Variants in TRAM2 observed in about 807,000 individuals in gnomAD.
TRAM2 encodes translocation associated membrane protein 2.
TRAM2 carries 12 observed loss-of-function variants against 51.0 expected under a neutral mutation model. The observed-to-expected ratio is 0.24, with a 90% confidence interval of 0.15 to 0.38. The LOEUF is 0.38. TRAM2 is among the 10% of genes least tolerant of loss of function. The pLI, the probability that TRAM2 is intolerant of heterozygous loss-of-function variation, is 1.00. For synonymous variants in TRAM2, 175 were observed against 179.4 expected (o/e 0.98, Z 0.20); for missense variants, 361 against 462.0 (o/e 0.78, Z 2.00).
At chr6:52,568,951 A>T (rs1245845190) in intron 1 of TRAM2, among the ~76,000 whole-genome samples, 1 of 152,180 alleles carries the variant, frequency 6.6e-6, no homozygotes, top group African/African-American at 2.4e-5. Context: ...CAGAGGTACA[A>T]TCATCAGCTC....
rs1222490579 is a variant in TRAM2 at position 52,498,785 on chromosome 6, T to C, written c.*4412A>G. The C allele has an allele frequency of 6.6e-6, 1 of 152,628 alleles. No homozygotes were observed. The highest frequency in any genetic ancestry group is 2.4e-5 in the African/African-American group (1 of 41,436). The allele number at this position is 152,628 out of a possible 1,614,324, so 9.5% of individuals were successfully genotyped here. ...AATCCGTGTCCCTTTTATATATAACTATACTGAGGTATGGTGTCCTTGGCT... is the reference window on the plus strand; with the variant it reads ...AATCCGTGTCCCTTTTATATATAACCATACTGAGGTATGGTGTCCTTGGCT... On this transcript the variant is annotated 3_prime_UTR_variant, in exon 11 of 11. Transcript: ENST00000182527.
chr6:52,508,227 C>T lies in TRAM2; in HGVS notation c.555+7G>A, dbSNP rs757570402. 21 of 1,613,376 alleles carry T rather than the reference C, an allele frequency of 1.3e-5. No homozygotes were observed. The Admixed American group carries it at 3.5e-4, about 27-fold the overall frequency. On this transcript the variant is annotated splice_region_variant and intron_variant, in intron 6 of 10. Coordinates refer to ENST00000182527, the MANE Select transcript of TRAM2 (RefSeq NM_012288.4). ...GCCTCCAAGAAGGGAGAGAAGTGAG[C>T]ACTCACCTTCCGTACCTTCTGGAAG...
At chr6:52,574,035 C>A (rs572698821) in intron 1 of TRAM2, among the ~76,000 whole-genome samples, 33 of 152,272 alleles carry the variant, frequency 2.2e-4, no homozygotes, top group African/African-American at 7.7e-4. Flanking sequence ...TGTCCTCTCA[C>A]CCCTTTCTCC....
intron 4 of TRAM2, among the ~76,000 whole-genome samples, chr6:52,512,508 G>A (rs1766469144): frequency 6.6e-6 from 1 of 152,184 alleles, no homozygotes; most frequent in Non-Finnish European, 1.5e-5. Context: ...GGCACCCTCT[G>A]AGCTCAGGCA....
chr6:52,517,595 T>C (rs976632548), intron 2 of TRAM2, among the ~76,000 whole-genome samples: 2 of 152,258 alleles, frequency 1.3e-5, no homozygotes, highest in African/African-American at 4.8e-5. Context: ...ATCTGCATCC[T>C]TGCTCCAGTC....
chr6:52,504,996 C>T (rs1359986904), intron 9 of TRAM2, among the ~76,000 whole-genome samples: 4 of 152,238 alleles, frequency 2.6e-5, no homozygotes, highest in African/African-American at 7.2e-5. Context: ...GACAGACGTA[C>T]GGCCAGCTCT....
chr6:52,523,417 G>C, intron 2 of TRAM2: 1 of 36,690 alleles, frequency 2.7e-5, no homozygotes. Flanking sequence ...ACAAGCCACA[G>C]AAAAAAGAAA....
intron 2 of TRAM2, among the ~76,000 whole-genome samples, chr6:52,518,869 C>T (rs1439781459): frequency 6.6e-6 from 1 of 152,202 alleles, no homozygotes; most frequent in Admixed American, 6.5e-5. Flanking sequence ...TCAAGATCAT[C>T]CTTACTAGGC....
At chr6:52,519,463 A>C (rs962774357) in intron 2 of TRAM2, among the ~76,000 whole-genome samples, 1 of 152,260 alleles carries the variant, frequency 6.6e-6, no homozygotes, top group Non-Finnish European at 1.5e-5. Flanking sequence ...ACAATGAGGA[A>C]AAAACAAACA....
At chr6:52,546,480 G>C (rs1436193058) in intron 1 of TRAM2, among the ~76,000 whole-genome samples, 1 of 152,294 alleles carries the variant, frequency 6.6e-6, no homozygotes, top group South Asian at 2.1e-4. Flanking sequence ...TTAGGTTACT[G>C]CAAGAAGAGA....
At chr6:52,550,195 G>A (rs961461932) in intron 1 of TRAM2, among the ~76,000 whole-genome samples, 17 of 152,166 alleles carry the variant, frequency 1.1e-4, no homozygotes, top group Admixed American at 1.0e-3. Context: ...GGCAGTCACT[G>A]CAACCCTCCA....
chr6:52,522,263 G>A (rs1052009551), intron 2 of TRAM2, among the ~76,000 whole-genome samples: 16 of 152,264 alleles, frequency 1.1e-4, no homozygotes, highest in Admixed American at 2.6e-4. Context: ...CTAGAGAGGA[G>A]GGGCACACCC....
chr6:52,555,497 T>C (rs1346988692), intron 1 of TRAM2, among the ~76,000 whole-genome samples: 1 of 152,128 alleles, frequency 6.6e-6, no homozygotes, highest in Non-Finnish European at 1.5e-5. Context: ...AGAAAAACAC[T>C]GGTGCTATTT....
intron 1 of TRAM2, among the ~76,000 whole-genome samples, chr6:52,544,320 T>G (rs1273038428): frequency 6.7e-6 from 1 of 149,546 alleles, no homozygotes; most frequent in African/African-American, 2.4e-5. Flanking sequence ...TTTTAAATGT[T>G]AGATGTGTGA....
chr6:52,504,343 C>T (rs780526911), intron 10 of TRAM2, among the ~76,000 whole-genome samples: 2 of 152,232 alleles, frequency 1.3e-5, no homozygotes, highest in Non-Finnish European at 2.9e-5. Flanking sequence ...CAGCCACTGC[C>T]CTGCCCCGTG....
chr6:52,507,683 G>C, intron 6 of TRAM2, 60 bp from the exon 7 acceptor site: 1 of 1,552,246 alleles, frequency 6.4e-7, no homozygotes. Context: ...ATTCAGGGAA[G>C]GGGGAAAAGT....
rs371429027 is a variant in TRAM2, at chr6:52,557,192, C to CA, written c.120+19603dup. ...TGGGAGACAAAGCAAAACTCTGTCT[C>CA]AAAAAAAAAAGATATGTCTGGTGAG... On this transcript the variant is annotated intron_variant, in intron 1 of 10. Coordinates refer to ENST00000182527, the MANE Select transcript of TRAM2 (RefSeq NM_012288.4). Among the ~76,000 whole-genome samples, 27 of 140,152 alleles carry CA rather than the reference C, an allele frequency of 1.9e-4. 1 individual carries two copies. Among genetic ancestry groups the CA allele is most frequent in the South Asian group, 4.5e-4 (2 of 4,422 alleles). The allele number at this position is 140,152 out of a possible 152,430, so 91.9% of individuals were successfully genotyped here.
intron 1 of TRAM2, among the ~76,000 whole-genome samples, chr6:52,540,855 T>G (rs1174392433): frequency 6.6e-6 from 1 of 152,162 alleles, no homozygotes; most frequent in African/African-American, 2.4e-5. Context: ...AATACACTAA[T>G]GTAAAAGGAG....
chr6:52,566,043 G>A (rs187540891), intron 1 of TRAM2, among the ~76,000 whole-genome samples: 53 of 152,328 alleles, frequency 3.5e-4, no homozygotes, highest in African/African-American at 1.2e-3. Context: ...TACCTTTTAA[G>A]AAATTAGAAG....
Sources: gnomAD v4.1 joint callset for allele counts (sites outside exome capture counted in the v4.1 genomes callset) on GRCh38, gnomAD v4.1.1 for gene constraint, MANE v1.5 for transcripts, NCBI Gene and HGNC (gene_info 2026-07-23, HGNC 2026-07-21) for gene names.